Variants in FBXW7 observed in about 807,000 individuals in gnomAD.
The protein encoded by FBXW7 is F-box and WD repeat domain containing 7.
FBXW7 carries 11 observed loss-of-function variants against 86.3 expected under a neutral mutation model. The ratio of observed to expected loss-of-function variants is 0.13; its 90% CI spans 0.08 to 0.21. The LOEUF (loss-of-function observed/expected upper bound fraction) is 0.21. Ranked by LOEUF, FBXW7 falls within the 10% of genes least tolerant of loss-of-function variation. The pLI, the probability that FBXW7 is intolerant of heterozygous loss-of-function variation, is 1.00. For synonymous variants in FBXW7, 313 were observed against 297.9 expected (o/e 1.05, Z -0.52); for missense variants, 488 against 847.4 (o/e 0.58, Z 5.27).
At chr4:152,493,366 T>C (rs1304625581) in intron 2 of FBXW7, among the ~76,000 whole-genome samples, 2 of 152,078 alleles carry the variant, frequency 1.3e-5, no homozygotes, top group Non-Finnish European at 2.9e-5. Flanking sequence ...GGTTTCACCA[T>C]GTTGGTCAGG....
intron 4 of FBXW7, among the ~76,000 whole-genome samples, chr4:152,380,595 C>G (rs1304605249): frequency 6.6e-6 from 1 of 151,840 alleles, no homozygotes; most frequent in Admixed American, 6.6e-5. Flanking sequence ...AGAAAGCCCT[C>G]AGGAAAGCCT....
intron 2 of FBXW7, among the ~76,000 whole-genome samples, chr4:152,523,315 CAT>C (rs1443356427): frequency 6.6e-6 from 1 of 151,862 alleles, no homozygotes; most frequent in Non-Finnish European, 1.5e-5. Flanking sequence ...AAAAAAAACA[CAT>C]ATTTTAAAGA....
At chr4:152,367,679 C>T (rs1305438659) in intron 4 of FBXW7, among the ~76,000 whole-genome samples, 1 of 152,116 alleles carries the variant, frequency 6.6e-6, no homozygotes, top group Non-Finnish European at 1.5e-5. Context: ...ACTTAATCTT[C>T]AACGTAGTCA....
intron 2 of FBXW7, among the ~76,000 whole-genome samples, chr4:152,472,757 T>C (rs1744071143): frequency 6.6e-6 from 1 of 152,124 alleles, no homozygotes; most frequent in Admixed American, 6.5e-5. Context: ...CATATATACT[T>C]TGTGTATGTA....
intron 2 of FBXW7, among the ~76,000 whole-genome samples, chr4:152,448,711 A>C (rs1018570408): frequency 6.6e-6 from 1 of 152,202 alleles, no homozygotes; most frequent in Non-Finnish European, 1.5e-5. Flanking sequence ...AAACACTACT[A>C]AAAAAGAATA....
At chr4:152,373,841 T>C (rs780386511) in intron 4 of FBXW7, among the ~76,000 whole-genome samples, 15 of 152,038 alleles carry the variant, frequency 9.9e-5, no homozygotes, top group Non-Finnish European at 1.5e-4. Flanking sequence ...ATCATCATCT[T>C]ATTTATAGCC....
Position 152,442,288 on chromosome 4 carries a change from T to C in FBXW7, c.-119-29759A>G, listed in dbSNP as rs138600892. On this transcript the variant is annotated intron_variant, in intron 2 of 13. Coordinates refer to ENST00000281708, the MANE Select transcript of FBXW7 (RefSeq NM_001349798.2). ...ACTTCAGTAGAATTACAGATCACTCTGGAGGCAGGGGTTCTTGTATTAAAA... is the reference window on the plus strand; with the variant it reads ...ACTTCAGTAGAATTACAGATCACTCCGGAGGCAGGGGTTCTTGTATTAAAA... Among the ~76,000 whole-genome samples the C allele has an allele frequency of 3.4e-3, 524 of 152,330 alleles. 2 individuals are homozygous for C. Among genetic ancestry groups the C allele is most frequent in the Middle Eastern group, 6.8e-3 (2 of 294 alleles).
At chr4:152,376,200 A>C (rs1400830109) in intron 4 of FBXW7, among the ~76,000 whole-genome samples, 2 of 152,088 alleles carry the variant, frequency 1.3e-5, no homozygotes, top group African/African-American at 4.8e-5. Flanking sequence ...AAAAGATATT[A>C]AATATTGGAG....
At chr4:152,422,946 A>G (rs969734655) in intron 2 of FBXW7, among the ~76,000 whole-genome samples, 1 of 152,130 alleles carries the variant, frequency 6.6e-6, no homozygotes, top group Non-Finnish European at 1.5e-5. Context: ...TCTTTTTCTT[A>G]AAATTTATGT....
At chr4:152,490,225 G>A (rs1247932225) in intron 2 of FBXW7, among the ~76,000 whole-genome samples, 5 of 152,048 alleles carry the variant, frequency 3.3e-5, no homozygotes, top group Non-Finnish European at 1.5e-5. Flanking sequence ...TTGCGATGAT[G>A]AAAAACTTCT....
chr4:152,455,740 T>C (rs1031407422), intron 2 of FBXW7, among the ~76,000 whole-genome samples: 3 of 152,184 alleles, frequency 2.0e-5, no homozygotes, highest in East Asian at 1.9e-4. Flanking sequence ...TATTATCTCA[T>C]GGCCTTAGCT....
chr4:152,382,055 G>A (rs1453310885), intron 4 of FBXW7: 2 of 492,940 alleles, frequency 4.1e-6, no homozygotes, highest in Non-Finnish European at 6.9e-6. Context: ...TTATATAAGT[G>A]TTTACTGGCT....
At chr4:152,464,428 A>G (rs1743228794) in intron 2 of FBXW7, among the ~76,000 whole-genome samples, 1 of 152,240 alleles carries the variant, frequency 6.6e-6, no homozygotes, top group Non-Finnish European at 1.5e-5. Context: ...AGGGTATAAA[A>G]TATGAAATGA....
At chr4:152,411,036 A>G in intron 4 of FBXW7, 1 of 458,380 alleles carries the variant, frequency 2.2e-6, no homozygotes. Flanking sequence ...CCGGGACGCA[A>G]GGTTTAGACG....
chr4:152,449,460 T>C (rs866630235), intron 2 of FBXW7, among the ~76,000 whole-genome samples: 18 of 152,128 alleles, frequency 1.2e-4, no homozygotes, highest in Non-Finnish European at 2.2e-4. Flanking sequence ...TAAAAATCTA[T>C]AGCAAAAATA....
chr4:152,350,573 A>C (rs1731711568), intron 4 of FBXW7, among the ~76,000 whole-genome samples: 1 of 151,828 alleles, frequency 6.6e-6, no homozygotes, highest in African/African-American at 2.4e-5. Flanking sequence ...AATAATTATG[A>C]AAGTAACAAA....
intron 4 of FBXW7, among the ~76,000 whole-genome samples, chr4:152,381,836 G>A (rs1218517238): frequency 6.6e-6 from 1 of 152,032 alleles, no homozygotes; most frequent in Non-Finnish European, 1.5e-5. Context: ...CCATGTATAA[G>A]GAGAATACCA....
intron 12 of FBXW7, chr4:152,324,693 C>T (rs191877064): frequency 2.3e-4 from 73 of 319,958 alleles, no homozygotes; most frequent in African/African-American, 1.4e-3. Flanking sequence ...TGTTAATTTT[C>T]AAATCATCTG....
At chr4:152,510,310 A>ACAACTGTACTACTAAATTTTG (rs1560984002) in intron 2 of FBXW7, among the ~76,000 whole-genome samples, 2 of 152,212 alleles carry the variant, frequency 1.3e-5, no homozygotes, top group Admixed American at 6.5e-5. Flanking sequence ...AAATTTTGGA[A>ACAACTGTACTACTAAATTTTG]GAACAACTGC....
Sources: allele counts gnomAD v4.1 joint callset (sites outside exome capture counted in the v4.1 genomes callset), GRCh38; gene constraint gnomAD v4.1.1; transcripts MANE v1.5; gene names NCBI Gene and HGNC (gene_info 2026-07-23, HGNC 2026-07-21).